The following ERC2 variants were observed in gnomAD, a reference collection of about 807,000 sequenced individuals.
ERC2 encodes the protein ELKS/RAB6-interacting/CAST family member 2.
In ERC2, 42 loss-of-function variants were observed where a neutral mutation model predicts 114.8. The observed-to-expected ratio is 0.37, with a 90% CI of 0.29 to 0.47. The LOEUF is 0.47. ERC2 is among the 20% of genes least tolerant of loss of function. The pLI is 0.99. For synonymous variants in ERC2, 454 were observed against 425.5 expected, an observed-to-expected ratio of 1.07 and a Z score of -0.82; for missense variants, 939 against 1,150.7, an observed-to-expected ratio of 0.82 and a Z score of 2.66.
At chr3:56,076,687 C>A (rs2076993263) in intron 7 of ERC2, among the ~76,000 whole-genome samples, 2 of 152,192 alleles carry the variant, frequency 1.3e-5, no homozygotes, top group Admixed American at 1.3e-4. Flanking sequence ...AAAATCCACT[C>A]TAGATGATCT....
intron 15 of ERC2, among the ~76,000 whole-genome samples, chr3:55,701,349 C>A (rs2063215444): frequency 6.6e-6 from 1 of 152,076 alleles, no homozygotes; most frequent in Non-Finnish European, 1.5e-5. Context: ...AATCTCTAGG[C>A]TTTTTTCCTT....
intron 17 of ERC2, among the ~76,000 whole-genome samples, chr3:55,549,778 C>T (rs1242171772): frequency 6.6e-6 from 1 of 151,878 alleles, no homozygotes; most frequent in Non-Finnish European, 1.5e-5. Context: ...TGCACAGGGC[C>T]CTGTCCTCAG....
chr3:56,018,294 C>T (rs1182028893), intron 8 of ERC2, among the ~76,000 whole-genome samples: 1 of 152,108 alleles, frequency 6.6e-6, no homozygotes, highest in African/African-American at 2.4e-5. Context: ...GGATTTGATC[C>T]CAGGCAGTCT....
chr3:56,253,283 G>A (rs2052302070), intron 3 of ERC2, among the ~76,000 whole-genome samples: 1 of 151,994 alleles, frequency 6.6e-6, no homozygotes. Context: ...AATTTTGATG[G>A]CTATATGATA....
intron 16 of ERC2, among the ~76,000 whole-genome samples, chr3:55,696,560 A>C (rs1035170535): frequency 1.3e-5 from 2 of 152,186 alleles, no homozygotes; most frequent in African/African-American, 4.8e-5. Context: ...ACATATACTC[A>C]TATGTACCCT....
intron 1 of ERC2, among the ~76,000 whole-genome samples, chr3:56,466,512 A>G (rs2063550227): frequency 6.6e-6 from 1 of 152,174 alleles, no homozygotes; most frequent in Non-Finnish European, 1.5e-5. Context: ...CTGTAAAAGT[A>G]TTTTATTAAA....
intron 14 of ERC2, among the ~76,000 whole-genome samples, chr3:55,782,581 A>G (rs1213385951): frequency 6.6e-6 from 1 of 152,216 alleles, no homozygotes; most frequent in African/African-American, 2.4e-5. Context: ...CCTATGTTCC[A>G]AGAAGTATTT....
At chr3:56,096,476 A>G (rs2078070398) in intron 6 of ERC2, among the ~76,000 whole-genome samples, 1 of 152,220 alleles carries the variant, frequency 6.6e-6, no homozygotes, top group Non-Finnish European at 1.5e-5. Flanking sequence ...CAGCATAAAT[A>G]GCAACCAAAG....
At chr3:56,438,937 T>C (rs564856726) in intron 1 of ERC2, among the ~76,000 whole-genome samples, 6 of 152,352 alleles carry the variant, frequency 3.9e-5, no homozygotes, top group Non-Finnish European at 5.9e-5. Context: ...AGATGTATTA[T>C]CATGTTTGAA....
At chr3:55,934,998 A>G (rs1425084939) in intron 13 of ERC2, among the ~76,000 whole-genome samples, 1 of 152,196 alleles carries the variant, frequency 6.6e-6, no homozygotes, top group African/African-American at 2.4e-5. Context: ...CTAAGCAGTG[A>G]CCTTGGAGGC....
At chr3:56,107,982 T>G (rs2078760590) in intron 6 of ERC2, among the ~76,000 whole-genome samples, 1 of 152,196 alleles carries the variant, frequency 6.6e-6, no homozygotes, top group Non-Finnish European at 1.5e-5. Flanking sequence ...TATAAAATCC[T>G]CCTTATTAGT....
intron 7 of ERC2, among the ~76,000 whole-genome samples, chr3:56,047,690 C>T (rs1322443015): frequency 6.6e-6 from 1 of 152,146 alleles, no homozygotes; most frequent in Non-Finnish European, 1.5e-5. Flanking sequence ...CTTTCAAGTA[C>T]TTTTTTAAAA....
At chr3:55,779,526 A>T (rs1417876124) in intron 14 of ERC2, among the ~76,000 whole-genome samples, 1 of 151,804 alleles carries the variant, frequency 6.6e-6, no homozygotes. Context: ...CTGGAAATAT[A>T]GACTGCTTCA....
intron 17 of ERC2, among the ~76,000 whole-genome samples, chr3:55,547,095 G>C (rs1224265462): frequency 6.6e-6 from 1 of 152,242 alleles, no homozygotes; most frequent in African/African-American, 2.4e-5. Context: ...TCTCTGTAGG[G>C]GCGTTAGCAA....
chr3:56,193,465 C>T (rs998442063), intron 3 of ERC2, among the ~76,000 whole-genome samples: 4 of 151,822 alleles, frequency 2.6e-5, no homozygotes, highest in Non-Finnish European at 5.9e-5. Context: ...CAAGATCATG[C>T]CACCACACTC....
chr3:55,727,408 G>C (rs1000917711), intron 15 of ERC2, among the ~76,000 whole-genome samples: 2 of 152,138 alleles, frequency 1.3e-5, no homozygotes, highest in African/African-American at 2.4e-5. Context: ...GAATACAAAA[G>C]TTGGATAGTT....
At chr3:56,006,892 A>T (rs2072535741) in intron 10 of ERC2, among the ~76,000 whole-genome samples, 1 of 152,034 alleles carries the variant, frequency 6.6e-6, no homozygotes, top group African/African-American at 2.4e-5. Context: ...CTGATAGTTG[A>T]GATTTGCCCA....
intron 3 of ERC2, among the ~76,000 whole-genome samples, chr3:56,195,568 G>A (rs1315241716): frequency 6.6e-6 from 1 of 151,852 alleles, no homozygotes; most frequent in Non-Finnish European, 1.5e-5. Flanking sequence ...AGTGGCTCAT[G>A]CCTGTAATCC....
intron 2 of ERC2, among the ~76,000 whole-genome samples, chr3:56,315,204 T>C (rs984853149): frequency 2.6e-5 from 4 of 152,172 alleles, no homozygotes; most frequent in African/African-American, 7.2e-5. Flanking sequence ...TTTTTTCAGA[T>C]TTGACATTCT....
Sources: allele counts gnomAD v4.1 joint callset (sites outside exome capture counted in the v4.1 genomes callset), GRCh38; gene constraint gnomAD v4.1.1; transcripts MANE v1.5; gene names NCBI Gene and HGNC (gene_info 2026-07-23, HGNC 2026-07-21).